PCDH15: variants seen among roughly 807,000 people sequenced by gnomAD.
PCDH15 encodes protocadherin related 15.
A neutral mutation model predicts 178.5 loss-of-function variants in PCDH15; 129 were observed. That is an observed-to-expected ratio of 0.72 (90% CI 0.63 to 0.84). PCDH15 has a LOEUF of 0.84. PCDH15 is among the 40% of genes least tolerant of loss of function. PCDH15 has a pLI of 0.00. For missense variants in PCDH15, 2,230 were observed against 2,099.9 expected (o/e 1.06, Z -1.21); for synonymous variants, 800 against 732.0 (o/e 1.09, Z -1.50).
At chr10:54,353,077 T>A (rs1193754459) in intron 5 of PCDH15, among the ~76,000 whole-genome samples, 1 of 152,110 alleles carries the variant, frequency 6.6e-6, no homozygotes, top group East Asian at 1.9e-4. Flanking sequence ...TTCTGACAAT[T>A]ATGAAATTAC....
At chr10:54,813,448 C>G (rs1216921746) in intron 3 of PCDH15, among the ~76,000 whole-genome samples, 2 of 152,184 alleles carry the variant, frequency 1.3e-5, no homozygotes, top group Non-Finnish European at 2.9e-5. Context: ...CTAGCATTCT[C>G]CCTCTCTGCA....
At chr10:55,412,600 G>A (rs1041074489) in intron 2 of PCDH15, among the ~76,000 whole-genome samples, 2 of 151,818 alleles carry the variant, frequency 1.3e-5, no homozygotes, top group African/African-American at 4.8e-5. Flanking sequence ...ATAAAGAATG[G>A]CTAAAGTATA....
intron 1 of PCDH15, among the ~76,000 whole-genome samples, chr10:55,232,630 T>C (rs553570144): frequency 1.3e-5 from 2 of 152,186 alleles, no homozygotes; most frequent in East Asian, 3.9e-4. Flanking sequence ...AGAAAGTTTG[T>C]AACTTCCAAT....
intron 3 of PCDH15, among the ~76,000 whole-genome samples, chr10:54,507,574 G>C (rs775476109): frequency 8.6e-5 from 13 of 151,842 alleles, no homozygotes; most frequent in Non-Finnish European, 1.6e-4. Context: ...GCTTCATAAA[G>C]TGCATAACAA....
chr10:54,337,338 C>G (rs749065826), intron 6 of PCDH15, among the ~76,000 whole-genome samples: 2 of 151,832 alleles, frequency 1.3e-5, no homozygotes, highest in African/African-American at 4.8e-5. Flanking sequence ...TTGGGAGGTG[C>G]CAGGTGTAGA....
intron 2 of PCDH15, among the ~76,000 whole-genome samples, chr10:55,401,594 C>CTG (rs3074786): frequency 0.19 from 24,903 of 132,984 alleles, 2,358 homozygotes; most frequent in East Asian, 0.34. Flanking sequence ...ATTTGCCTTA[C>CTG]TGTGTGTGTG....
At chr10:54,588,879 T>A in intron 2 of PCDH15, among the ~76,000 whole-genome samples, 1 of 152,110 alleles carries the variant, frequency 6.6e-6, no homozygotes. Flanking sequence ...TGGACTGATG[T>A]GCCATAATTT....
At chr10:54,870,610 C>A (rs1272777325) in intron 3 of PCDH15, among the ~76,000 whole-genome samples, 3 of 151,836 alleles carry the variant, frequency 2.0e-5, no homozygotes, top group African/African-American at 4.8e-5. Flanking sequence ...ACGGTGAAAA[C>A]CCGTCTCTAC....
At chr10:55,196,231 C>T (rs1008798030) in intron 1 of PCDH15, among the ~76,000 whole-genome samples, 2 of 151,930 alleles carry the variant, frequency 1.3e-5, no homozygotes, top group African/African-American at 4.8e-5. Context: ...TTCCATCATC[C>T]CAGTCATGTA....
intron 6 of PCDH15, among the ~76,000 whole-genome samples, chr10:54,339,565 T>C (rs187468271): frequency 6.6e-6 from 1 of 152,206 alleles, no homozygotes; most frequent in East Asian, 1.9e-4. Flanking sequence ...AATGAACTTA[T>C]ACAAAAGAAA....
At chr10:54,417,607 A>G (rs1589292945) in intron 3 of PCDH15, among the ~76,000 whole-genome samples, 1 of 152,168 alleles carries the variant, frequency 6.6e-6, no homozygotes, top group East Asian at 1.9e-4. Context: ...TAATAAAATT[A>G]TTTCACCCGA....
intron 2 of PCDH15, among the ~76,000 whole-genome samples, chr10:55,404,460 T>A (rs1438918288): frequency 6.6e-6 from 1 of 152,036 alleles, no homozygotes; most frequent in Non-Finnish European, 1.5e-5. Context: ...CTGATGAGTA[T>A]AAGATATGTT....
chr10:54,840,168 T>A (rs1022891386), intron 3 of PCDH15, among the ~76,000 whole-genome samples: 1 of 152,048 alleles, frequency 6.6e-6, no homozygotes, highest in Non-Finnish European at 1.5e-5. Context: ...ACTCTAATAC[T>A]ATAATGACCG....
chr10:55,152,348 C>G (rs1008307653), intron 2 of PCDH15, among the ~76,000 whole-genome samples: 1 of 139,760 alleles, frequency 7.2e-6, no homozygotes, highest in Non-Finnish European at 1.6e-5. Flanking sequence ...GGCAAATTAC[C>G]AAAAAAAAAT....
At chr10:54,632,153 C>A (rs983798557) in intron 2 of PCDH15, among the ~76,000 whole-genome samples, 1 of 151,758 alleles carries the variant, frequency 6.6e-6, no homozygotes, top group Non-Finnish European at 1.5e-5. Context: ...AGCTGGAGAC[C>A]ATTATCCTAA....
At chr10:54,546,986 T>C (rs1048365414) in intron 2 of PCDH15, among the ~76,000 whole-genome samples, 9 of 152,198 alleles carry the variant, frequency 5.9e-5, no homozygotes, top group African/African-American at 2.2e-4. Flanking sequence ...AATGACATTG[T>C]GGGAAAGCTG....
intron 18 of PCDH15, among the ~76,000 whole-genome samples, chr10:54,024,303 A>C (rs2093016870): frequency 6.6e-6 from 1 of 152,258 alleles, no homozygotes; most frequent in East Asian, 1.9e-4. Flanking sequence ...GTAAAATATT[A>C]TATAATTATG....
At chr10:55,591,559 ATAAT>A (rs1434316306) in intron 2 of PCDH15, among the ~76,000 whole-genome samples, 1 of 152,194 alleles carries the variant, frequency 6.6e-6, no homozygotes, top group Non-Finnish European at 1.5e-5. Context: ...ATAATTAAAC[ATAAT>A]TAATTAAAAT....
intron 4 of PCDH15, among the ~76,000 whole-genome samples, chr10:54,369,523 G>A (rs893546437): frequency 4.0e-5 from 6 of 151,888 alleles, no homozygotes; most frequent in Admixed American, 6.6e-5. Context: ...GCTAATGAGC[G>A]CACCCACAAA....
Sources: allele counts gnomAD v4.1 joint callset (sites outside exome capture counted in the v4.1 genomes callset), GRCh38; gene constraint gnomAD v4.1.1; transcripts MANE v1.5; gene names NCBI Gene and HGNC (gene_info 2026-07-23, HGNC 2026-07-21).